ASXL2: variants seen among roughly 807,000 people sequenced by gnomAD.
ASXL2 encodes ASXL transcriptional regulator 2, also known as putative Polycomb group protein ASXL2.
A neutral mutation model predicts 122.0 loss-of-function variants in ASXL2; 23 were observed. The observed-to-expected ratio is 0.19, with a 90% CI of 0.14 to 0.27. The LOEUF is 0.27. Among genes scored for constraint, ASXL2 ranks in the 10% least tolerant of loss-of-function variants. ASXL2 has a pLI of 1.00. For synonymous variants in ASXL2, 650 were observed against 637.0 expected (o/e 1.02, Z -0.31); for missense variants, 1,518 against 1,713.8 (o/e 0.89, Z 2.02).
At chr2:25,768,051 G>A (rs1049525360) in intron 7 of ASXL2, among the ~76,000 whole-genome samples, 7 of 152,144 alleles carry the variant, frequency 4.6e-5, no homozygotes, top group Non-Finnish European at 7.3e-5. Context: ...TGTCTAGAAA[G>A]TTTAGAGTAG....
intron 1 of ASXL2, among the ~76,000 whole-genome samples, chr2:25,854,864 G>A (rs1294175921): frequency 1.3e-5 from 2 of 152,138 alleles, no homozygotes; most frequent in East Asian, 3.8e-4. Flanking sequence ...ATCCTCTATA[G>A]TAAGCCATTT....
chr2:25,801,984 C>G (rs917111281), intron 4 of ASXL2, among the ~76,000 whole-genome samples: 3 of 152,220 alleles, frequency 2.0e-5, no homozygotes, highest in African/African-American at 4.8e-5. Flanking sequence ...TGTTTGATCT[C>G]TACCTAACGT....
chr2:25,749,597 C>T (rs1397740261), intron 12 of ASXL2, 99 bp downstream of exon 12: 3 of 912,814 alleles, frequency 3.3e-6, no homozygotes, highest in Non-Finnish European at 4.7e-6. Flanking sequence ...ACTGCTTCTG[C>T]ATTAAGAACT....
rs574118943 is a variant in ASXL2 at position 25,740,586 on chromosome 2, T to C, written c.*1443A>G. ...TTCCTTAACCATGACCTAAATATTA[T>C]GTACTCACAATTTCTTCAGTCACTA... is the stretch of plus-strand genomic sequence containing the variant. On this transcript the variant is annotated 3_prime_UTR_variant, in exon 13 of 13. Coordinates refer to ENST00000435504, the MANE Select transcript of ASXL2 (RefSeq NM_018263.6). 1 of 229,896 alleles carries C rather than the reference T, an allele frequency of 4.3e-6. No individual in the cohort carries two copies. Among genetic ancestry groups the C allele is most frequent in the South Asian group, 1.8e-4 (1 of 5,506 alleles). 14.2% of individuals were successfully genotyped at this position (229,896 alleles called of 1,614,324 possible). A position where few individuals can be genotyped will look rare whatever the true frequency, so the allele number is the denominator to read the frequency against.
At chr2:25,813,463 A>T (rs1050088999) in intron 3 of ASXL2, among the ~76,000 whole-genome samples, 1 of 152,244 alleles carries the variant, frequency 6.6e-6, no homozygotes. Context: ...ATAAATAAAG[A>T]TTATATACAG....
intron 1 of ASXL2, among the ~76,000 whole-genome samples, chr2:25,862,013 A>G (rs1418235438): frequency 6.6e-6 from 1 of 152,234 alleles, no homozygotes; most frequent in Non-Finnish European, 1.5e-5. Flanking sequence ...TCTATTTTCC[A>G]GCTAATTTAA....
At chr2:25,833,811 G>A (rs1279167343) in intron 3 of ASXL2, among the ~76,000 whole-genome samples, 1 of 152,120 alleles carries the variant, frequency 6.6e-6, no homozygotes, top group South Asian at 2.1e-4. Flanking sequence ...GGCCAACCAA[G>A]TTCACTCTTC....
At chr2:25,833,074 G>A (rs1574439336) in intron 3 of ASXL2, among the ~76,000 whole-genome samples, 1 of 152,134 alleles carries the variant, frequency 6.6e-6, no homozygotes, top group South Asian at 2.1e-4. Flanking sequence ...GGAACACAAG[G>A]GATATTTGTT....
intron 1 of ASXL2, among the ~76,000 whole-genome samples, chr2:25,849,116 T>C (rs1470057890): frequency 7.0e-6 from 1 of 141,970 alleles, no homozygotes; most frequent in Non-Finnish European, 1.5e-5. Flanking sequence ...TTATCACAGT[T>C]TCCTTTAAAT....
At chr2:25,858,312 C>G (rs2089804114) in intron 1 of ASXL2, among the ~76,000 whole-genome samples, 1 of 151,398 alleles carries the variant, frequency 6.6e-6, no homozygotes, top group Non-Finnish European at 1.5e-5. Context: ...GGTTTCAGAA[C>G]AAAATGACAA....
At chr2:25,877,893 G>A (rs983795600) in intron 1 of ASXL2, among the ~76,000 whole-genome samples, 1 of 152,210 alleles carries the variant, frequency 6.6e-6, no homozygotes, top group Admixed American at 6.5e-5. Flanking sequence ...CAGAGCGGAG[G>A]TGATATCGGC....
At chr2:25,812,507 C>A (rs2089184956) in intron 3 of ASXL2, among the ~76,000 whole-genome samples, 1 of 152,114 alleles carries the variant, frequency 6.6e-6, no homozygotes, top group Non-Finnish European at 1.5e-5. Context: ...AAATCCATTG[C>A]TGACAAGGTT....
chr2:25,819,683 T>C (rs2089286671), intron 3 of ASXL2, among the ~76,000 whole-genome samples: 1 of 152,160 alleles, frequency 6.6e-6, no homozygotes, highest in Non-Finnish European at 1.5e-5. Flanking sequence ...AAGACTGAAG[T>C]ACAATTCCAG....
chr2:25,820,318 A>G (rs776794872), intron 3 of ASXL2, among the ~76,000 whole-genome samples: 1 of 152,234 alleles, frequency 6.6e-6, no homozygotes, highest in Non-Finnish European at 1.5e-5. Context: ...GAGAATCCAG[A>G]TAAAGTTTAT....
intron 6 of ASXL2, 103 bp from the exon 7 acceptor site, chr2:25,768,971 ATT>A (rs2088400047): frequency 1.1e-5 from 15 of 1,326,898 alleles, no homozygotes; most frequent in Non-Finnish European, 1.5e-5. Context: ...TGATCGTTCA[ATT>A]TCTTTGAAAT....
At chr2:25,851,632 G>A (rs72801877) in intron 1 of ASXL2, among the ~76,000 whole-genome samples, 6,455 of 152,022 alleles carry the variant, frequency 0.042, 213 homozygotes, top group African/African-American at 0.08. Context: ...TTCTGTATTC[G>A]TTTACATTTA....
At chr2:25,756,203 T>C (rs754464743) in intron 9 of ASXL2, 89 bp from the exon 10 acceptor site, 1 of 596,182 alleles carries the variant, frequency 1.7e-6, no homozygotes, top group Non-Finnish European at 2.7e-6. Flanking sequence ...TATAAAAGAA[T>C]GTATATATAT....
At position 25,822,757 on chromosome 2, in the gene ASXL2, A is replaced by G. The variant is rs116344575; in HGVS notation, c.143+12781T>C. On this transcript the variant is annotated intron_variant, in intron 3 of 12. Coordinates refer to ENST00000435504, the MANE Select transcript of ASXL2 (RefSeq NM_018263.6). ...TTAACAAAAGGAAGGGCAAAACTCA[A>G]TTGGCTTAGTGTGGACTTCAGTAAT... The G allele has an allele frequency of 8.6e-3, 5,321 of 615,276 alleles. 37 individuals carry two copies. Among genetic ancestry groups the G allele is most frequent in the Non-Finnish European group, 0.013 (4,191 of 322,768 alleles). The allele number at this position is 615,276 out of a possible 1,614,324, so 38.1% of individuals were successfully genotyped here.
At position 25,780,883 on chromosome 2, in the gene ASXL2, C is replaced by T. The variant is rs185449357; in HGVS notation, c.404-9343G>A. On this transcript the variant is annotated intron_variant, in intron 5 of 12. Transcript: ENST00000435504. Reference sequence around the variant, plus strand: ...TGGGCGGATCACGAGGTCAGGAGATCGAGACCATCCTAGCTAACACGGTGA... The same window carrying T: ...TGGGCGGATCACGAGGTCAGGAGATTGAGACCATCCTAGCTAACACGGTGA... Among the ~76,000 whole-genome samples the T allele has an allele frequency of 8.5e-3, 1,282 of 151,234 alleles. 10 individuals carry two copies. The highest frequency in any genetic ancestry group is 0.03 in the African/African-American group (1,248 of 41,186).
Sources: gnomAD v4.1 joint callset for allele counts (sites outside exome capture counted in the v4.1 genomes callset) on GRCh38, gnomAD v4.1.1 for gene constraint, MANE v1.5 for transcripts, NCBI Gene and HGNC (gene_info 2026-07-23, HGNC 2026-07-21) for gene names.